Variants in QRICH1 observed in about 807,000 individuals in gnomAD.
QRICH1 encodes the protein glutamine rich 1.
A neutral mutation model predicts 87.1 loss-of-function variants in QRICH1; 16 were observed. The ratio of observed to expected loss-of-function variants is 0.18; its 90% CI spans 0.12 to 0.28. The LOEUF (loss-of-function observed/expected upper bound fraction) is 0.28. QRICH1 is among the 10% of genes least tolerant of loss of function. The pLI is 1.00. For synonymous variants in QRICH1, 367 were observed against 368.4 expected (o/e 1.00, Z 0.05); for missense variants, 647 against 951.7 (o/e 0.68, Z 4.21).
chr3:49,036,941 T>C (rs1411506441), intron 6 of QRICH1, among the ~76,000 whole-genome samples: 1 of 151,898 alleles, frequency 6.6e-6, no homozygotes, highest in Non-Finnish European at 1.5e-5. Context: ...CATGTGCCTA[T>C]GGCCCCCAGC....
At chr3:49,034,862 A>G (rs2093265189) in intron 6 of QRICH1, among the ~76,000 whole-genome samples, 1 of 152,240 alleles carries the variant, frequency 6.6e-6, no homozygotes, top group Admixed American at 6.5e-5. Flanking sequence ...AGCAGGCAAC[A>G]GTATTCTCCT....
chr3:49,050,195 G>A (rs2093362018), intron 3 of QRICH1, among the ~76,000 whole-genome samples: 2 of 145,010 alleles, frequency 1.4e-5, no homozygotes, highest in African/African-American at 5.2e-5. Context: ...CTTGCAGTGA[G>A]CCAAGATTGT....
At chr3:49,047,714 C>A (rs2093346802) in intron 3 of QRICH1, among the ~76,000 whole-genome samples, 1 of 151,932 alleles carries the variant, frequency 6.6e-6, no homozygotes, top group South Asian at 2.1e-4. Flanking sequence ...AACTCCCAAC[C>A]TCAGGTAATC....
At chr3:49,051,931 G>C (rs888530501) in intron 3 of QRICH1, among the ~76,000 whole-genome samples, 18 of 152,304 alleles carry the variant, frequency 1.2e-4, no homozygotes, top group African/African-American at 4.1e-4. Flanking sequence ...AGTGGGTGGA[G>C]GAGGCAATAA....
chr3:49,036,067 CAG>C (rs1045034620), intron 6 of QRICH1, among the ~76,000 whole-genome samples: 4 of 152,018 alleles, frequency 2.6e-5, no homozygotes, highest in Admixed American at 6.6e-5. Flanking sequence ...GCCTGGGAAA[CAG>C]AGCAAGACCC....
At chr3:49,042,736 C>T (rs1283819371) in intron 6 of QRICH1, among the ~76,000 whole-genome samples, 1 of 151,866 alleles carries the variant, frequency 6.6e-6, no homozygotes, top group African/African-American at 2.4e-5. Context: ...ACACACCTGG[C>T]TAATTTTTGT....
chr3:49,040,728 T>G (rs192342985), intron 6 of QRICH1, among the ~76,000 whole-genome samples: 43 of 152,334 alleles, frequency 2.8e-4, no homozygotes, highest in African/African-American at 1.0e-3. Flanking sequence ...TAAACTTCTC[T>G]GAATGTCAAG....
chr3:49,060,729 T>G (rs2093429899), intron 2 of QRICH1, among the ~76,000 whole-genome samples: 1 of 152,198 alleles, frequency 6.6e-6, no homozygotes. Context: ...CATTACCACC[T>G]GAGCTCCACC....
intron 2 of QRICH1, among the ~76,000 whole-genome samples, chr3:49,064,638 G>T (rs1323483227): frequency 6.6e-6 from 1 of 152,134 alleles, no homozygotes; most frequent in Non-Finnish European, 1.5e-5. Flanking sequence ...GGCCAAGGTG[G>T]GTGGATCACA....
intron 1 of QRICH1, among the ~76,000 whole-genome samples, chr3:49,084,399 G>A (rs2042128716): frequency 6.6e-6 from 1 of 151,884 alleles, no homozygotes; most frequent in Non-Finnish European, 1.5e-5. Context: ...GGGATTACGG[G>A]CACCCGCCAC....
At chr3:49,087,804 G>A (rs1317687827) in intron 1 of QRICH1, among the ~76,000 whole-genome samples, 12 of 54,476 alleles carry the variant, frequency 2.2e-4, no homozygotes, top group Non-Finnish European at 6.3e-5. Flanking sequence ...AACTCAGGAG[G>A]CGGAGGTTCA....
chr3:49,040,121 T>A (rs2106838901), intron 6 of QRICH1, among the ~76,000 whole-genome samples: 1 of 152,306 alleles, frequency 6.6e-6, no homozygotes, highest in East Asian at 1.9e-4. Flanking sequence ...ATGGGGGAAT[T>A]CATTAATCTA....
intron 1 of QRICH1, among the ~76,000 whole-genome samples, chr3:49,083,821 T>C (rs1331529667): frequency 2.6e-5 from 4 of 151,212 alleles, no homozygotes; most frequent in Non-Finnish European, 1.5e-5. Context: ...CCCAGCTACT[T>C]GGGAGGCTGA....
In QRICH1 at chr3:49,030,481, C is replaced by T. The variant is rs1221770964; in HGVS notation, c.2302G>A (p.Ala768Thr). ...TGCATAGTGCTTGCATTGGCCACTG[C>T]GATGGCCTCCTGAATTTCTCTTATC... Reference protein sequence around the residue: ...LVIREIQEAIAVANASTMH With the variant: ...LVIREIQEAITVANASTMH The change falls in exon 10 of 10, where the codon GCA becomes ACA. Residue 768 changes from alanine (A) to threonine (T), a missense_variant. Coordinates refer to ENST00000395443, the MANE Select transcript of QRICH1 (RefSeq NM_198880.3). 1.2e-6 allele frequency: 2 copies of T among 1,613,720 alleles called. No individual in the cohort carries two copies. The highest frequency in any genetic ancestry group is 1.7e-5 in the Admixed American group (1 of 60,022).
intron 9 of QRICH1, 135 bp from the exon 10 acceptor site, chr3:49,030,779 G>T: frequency 1.3e-6 from 1 of 757,076 alleles, no homozygotes; most frequent in Non-Finnish European, 2.1e-6. Context: ...ATTCCATGCA[G>T]CCACCACACA....
At chr3:49,060,671 C>G (rs1025403069) in intron 2 of QRICH1, among the ~76,000 whole-genome samples, 1 of 152,152 alleles carries the variant, frequency 6.6e-6, no homozygotes, top group Non-Finnish European at 1.5e-5. Flanking sequence ...ACCCTGGGGC[C>G]AAGGACTAGT....
At chr3:49,058,920 G>A (rs927555950) in intron 2 of QRICH1, among the ~76,000 whole-genome samples, 11 of 148,968 alleles carry the variant, frequency 7.4e-5, no homozygotes, top group Non-Finnish European at 1.3e-4. Context: ...GAGCCACCAC[G>A]GCCAGCATTT....
chr3:49,060,331 C>G (rs1032005942), intron 2 of QRICH1, among the ~76,000 whole-genome samples: 11 of 151,450 alleles, frequency 7.3e-5, no homozygotes, highest in African/African-American at 2.4e-4. Context: ...GTAGCTGGGA[C>G]CACAGGCACC....
rs780090890 is a variant in QRICH1, at chr3:49,032,749, G to C, written c.1920C>G (p.Asp640Glu). 1 of 1,608,298 alleles carries C rather than the reference G, an allele frequency of 6.2e-7. No individual in the cohort carries two copies. Among genetic ancestry groups the C allele is most frequent in the Non-Finnish European group, 8.5e-7 (1 of 1,178,374 alleles). ...TGGAGAAGGCCAGCTTCATGTGCTG[G>C]TCCACTGTCTTCAATAGGAAGTACC... ...NTKYFLLKTV[D>E]QHMKLAFSKV... Residue 640 changes from aspartate to glutamate, a missense_variant, in exon 8 of 10, where the codon GAC becomes GAG. Around this residue, in one of 7 missense-constraint regions of QRICH1, gnomAD observed 187 missense variants for 309.5 expected, o/e 0.60. Coordinates refer to ENST00000395443, the MANE Select transcript of QRICH1 (RefSeq NM_198880.3).
Sources: gnomAD v4.1 joint callset for allele counts (sites outside exome capture counted in the v4.1 genomes callset) on GRCh38, gnomAD v4.1.1 for gene constraint, gnomAD v4.1.1 regional missense constraint, MANE v1.5 for transcripts, NCBI Gene and HGNC (gene_info 2026-07-23, HGNC 2026-07-21) for gene names.